TLN2: variants seen among roughly 807,000 people sequenced by gnomAD.
TLN2 encodes talin 2.
A neutral mutation model predicts 294.7 loss-of-function variants in TLN2; 118 were observed. The observed-to-expected ratio is 0.40, with a 90% CI of 0.34 to 0.47. The LOEUF (loss-of-function observed/expected upper bound fraction) is 0.47, where lower values mean the gene tolerates loss of function less well. Among genes scored for constraint, TLN2 ranks in the 20% least tolerant of loss-of-function variants. TLN2 has a pLI of 0.84. For synonymous variants in TLN2, 1,431 were observed against 1,304.5 expected (o/e 1.10, Z -2.09); for missense variants, 3,083 against 3,282.2 (o/e 0.94, Z 1.48).
intron 1 of TLN2, among the ~76,000 whole-genome samples, chr15:62,587,970 TC>T (rs1356596696): frequency 2.0e-5 from 3 of 152,044 alleles, no homozygotes; most frequent in Admixed American, 6.6e-5. Flanking sequence ...AAGCTCCGCC[TC>T]CCGGGTTCAC....
At chr15:62,464,202 AGAAAATGTG>A (rs545454682) in intron 1 of TLN2, among the ~76,000 whole-genome samples, 12 of 152,236 alleles carry the variant, frequency 7.9e-5, no homozygotes, top group Non-Finnish European at 1.6e-4. Flanking sequence ...GACTGGATTA[AGAAAATGTG>A]GCACATATAC....
chr15:62,498,997 T>C (rs1661317), intron 1 of TLN2, among the ~76,000 whole-genome samples: 46,182 of 152,040 alleles, frequency 0.3, 8,363 homozygotes, highest in African/African-American at 0.51. Context: ...CAAGAAGATA[T>C]GGTCTTTGCC....
intron 9 of TLN2, 173 bp downstream of exon 9, chr15:62,658,071 A>G (rs2053411358): frequency 1.8e-6 from 1 of 559,308 alleles, no homozygotes; most frequent in East Asian, 3.3e-5. Context: ...GGGGAAAGCA[A>G]GAGAAATTCA....
Position 62,653,314 on chromosome 15 carries a change from C to T in TLN2, c.517C>T (p.Leu173=), listed in dbSNP as rs1457209339. ...LKAKLHTDDD[L]NWLDHSRTFR... is the part of the protein sequence containing the mutation. ...GGCCAAGCTGCACACAGATGATGACCGTAAGTGTTTGCAGAGGAAGCATGA... is the reference window on the plus strand; with the variant it reads ...GGCCAAGCTGCACACAGATGATGACTGTAAGTGTTTGCAGAGGAAGCATGA... The change falls in exon 7 of 59, where the codon CTA becomes TTA. Residue 173 remains leucine, a splice_region_variant and synonymous_variant. Transcript: ENST00000636159. The T allele has an allele frequency of 1.1e-5, 17 of 1,608,700 alleles. No individual in the cohort carries two copies. The highest frequency in any genetic ancestry group is 1.7e-4 in the Middle Eastern group (1 of 6,054).
At chr15:62,716,977 C>G (rs1290186696) in intron 23 of TLN2, among the ~76,000 whole-genome samples, 3 of 151,162 alleles carry the variant, frequency 2.0e-5, no homozygotes, top group Non-Finnish European at 4.4e-5. Context: ...GACAAATGCA[C>G]ACAGGAGACC....
chr15:62,613,528 A>G (rs780433603), intron 2 of TLN2, among the ~76,000 whole-genome samples: 4 of 152,182 alleles, frequency 2.6e-5, no homozygotes, highest in Non-Finnish European at 5.9e-5. Flanking sequence ...GTTTCTTCCA[A>G]AAATTGATCA....
At chr15:62,802,636 T>C (rs2066010756) in intron 50 of TLN2, among the ~76,000 whole-genome samples, 1 of 152,202 alleles carries the variant, frequency 6.6e-6, no homozygotes. Flanking sequence ...ATTTTAGTTT[T>C]TTGAGGAATC....
rs187472661 is a variant in TLN2, at chr15:62,640,958, T to C, written c.-36-6317T>C. Among the ~76,000 whole-genome samples the C allele has an allele frequency of 6.9e-3, 1,047 of 152,056 alleles. 15 individuals are homozygous for C. Among genetic ancestry groups the C allele is most frequent in the African/African-American group, 0.024 (1,001 of 41,494 alleles). ...CTGGGATTACAGGCGCCCGCCACCATGCTCGGCTAATTTTTGTATTTTTGG... is the reference window on the plus strand; with the variant it reads ...CTGGGATTACAGGCGCCCGCCACCACGCTCGGCTAATTTTTGTATTTTTGG... On this transcript the variant is annotated intron_variant, in intron 3 of 58. Coordinates refer to ENST00000636159, the MANE Select transcript of TLN2 (RefSeq NM_015059.3).
intron 54 of TLN2, among the ~76,000 whole-genome samples, chr15:62,826,615 C>G (rs970310714): frequency 1.3e-5 from 2 of 152,224 alleles, no homozygotes; most frequent in Non-Finnish European, 2.9e-5. Context: ...CTGATCTAAC[C>G]TTTGCACAGT....
chr15:62,728,307 C>T (rs978174436), intron 28 of TLN2, among the ~76,000 whole-genome samples: 2 of 152,178 alleles, frequency 1.3e-5, no homozygotes, highest in Non-Finnish European at 1.5e-5. Context: ...ACATACAGTG[C>T]TTCTTGCATT....
chr15:62,798,537 T>G (rs1461835596), intron 48 of TLN2, among the ~76,000 whole-genome samples: 1 of 149,874 alleles, frequency 6.7e-6, no homozygotes, highest in African/African-American at 2.4e-5. Context: ...GTGCAAAATT[T>G]AAAAAACAAA....
intron 36 of TLN2, chr15:62,755,209 T>A: frequency 4.7e-6 from 1 of 212,186 alleles, no homozygotes; most frequent in Non-Finnish European, 9.3e-6. Context: ...GTGTAGACCT[T>A]GGTCTAGATG....
At chr15:62,615,955 G>A (rs1478533265) in intron 2 of TLN2, among the ~76,000 whole-genome samples, 1 of 151,554 alleles carries the variant, frequency 6.6e-6, no homozygotes, top group Non-Finnish European at 1.5e-5. Context: ...ATTTTTTTTT[G>A]TATCTGTTTC....
chr15:62,565,116 A>G (rs989606628), intron 1 of TLN2, among the ~76,000 whole-genome samples: 7 of 151,930 alleles, frequency 4.6e-5, no homozygotes, highest in Admixed American at 3.3e-4. Flanking sequence ...ATAAGTGTTA[A>G]ACACCCCAGA....
intron 1 of TLN2, among the ~76,000 whole-genome samples, chr15:62,503,298 A>C (rs1451009199): frequency 6.6e-6 from 1 of 152,240 alleles, no homozygotes; most frequent in African/African-American, 2.4e-5. Flanking sequence ...GTCCTGTGTC[A>C]CCAGCACTAA....
intron 2 of TLN2, among the ~76,000 whole-genome samples, chr15:62,601,257 C>G (rs1475460972): frequency 6.6e-6 from 1 of 152,166 alleles, no homozygotes; most frequent in African/African-American, 2.4e-5. Context: ...TGCTGTTAAA[C>G]ATGATACAAC....
At chr15:62,622,089 G>A (rs2048885307) in intron 3 of TLN2, among the ~76,000 whole-genome samples, 1 of 152,024 alleles carries the variant, frequency 6.6e-6, no homozygotes, top group East Asian at 1.9e-4. Context: ...GCTGGGGGGT[G>A]GGGGGTGTGT....
chr15:62,815,827 A>G (rs1409488384), intron 52 of TLN2, among the ~76,000 whole-genome samples: 1 of 152,214 alleles, frequency 6.6e-6, no homozygotes, highest in Admixed American at 6.5e-5. Context: ...AGATGCTTAT[A>G]TTTTAAACAA....
chr15:62,708,481 C>T lies in TLN2; in HGVS notation c.2173-21C>T, dbSNP rs1411285488. The T allele has an allele frequency of 2.5e-6, 4 of 1,607,404 alleles. No individual in the cohort carries two copies. In the South Asian group the frequency reaches 3.3e-5, roughly 13 times the overall value. ...CAGGATTCAACCACAGTGCCCAAAA[C>T]CTGTTCCTGTCTCACTTCAGGTTGT... On this transcript the variant is annotated intron_variant, in intron 20 of 58. Coordinates refer to ENST00000636159, the MANE Select transcript of TLN2 (RefSeq NM_015059.3).
Sources: allele counts gnomAD v4.1 joint callset (sites outside exome capture counted in the v4.1 genomes callset), GRCh38; gene constraint gnomAD v4.1.1; transcripts MANE v1.5; gene names NCBI Gene and HGNC (gene_info 2026-07-23, HGNC 2026-07-21).